CDH12: variants seen among roughly 807,000 people sequenced by gnomAD.
The protein encoded by CDH12 is cadherin-12.
A neutral mutation model predicts 74.1 loss-of-function variants in CDH12; 41 were observed. That is an observed-to-expected ratio of 0.55 (90% CI 0.43 to 0.72). CDH12 has a LOEUF of 0.72. CDH12 is among the 30% of genes least tolerant of loss of function. The probability of loss-of-function intolerance (pLI) is 0.00; values close to 1 mark genes in which losing one functional copy is unlikely to be tolerated. For synonymous variants in CDH12, 399 were observed against 355.0 expected, an observed-to-expected ratio of 1.12 and a Z score of -1.39; for missense variants, 945 against 977.2, an observed-to-expected ratio of 0.97 and a Z score of 0.44.
At chr5:22,617,573 G>A (rs1737754528) in intron 1 of CDH12, among the ~76,000 whole-genome samples, 1 of 152,034 alleles carries the variant, frequency 6.6e-6, no homozygotes, top group African/African-American at 2.4e-5. Context: ...TCAAATTTGT[G>A]CCTATGTTTT....
chr5:22,283,681 C>G (rs1011474741), intron 3 of CDH12, among the ~76,000 whole-genome samples: 3 of 151,822 alleles, frequency 2.0e-5, no homozygotes, highest in African/African-American at 7.3e-5. Context: ...ATAATAGATC[C>G]AGAGATCTAT....
chr5:22,147,911 T>G (rs1020138375), intron 4 of CDH12, among the ~76,000 whole-genome samples: 1 of 152,138 alleles, frequency 6.6e-6, no homozygotes, highest in Non-Finnish European at 1.5e-5. Context: ...TTATCAGATA[T>G]CATATTCATC....
intron 10 of CDH12, among the ~76,000 whole-genome samples, chr5:21,786,618 A>C (rs1183184390): frequency 3.9e-5 from 6 of 152,240 alleles, no homozygotes; most frequent in African/African-American, 1.4e-4. Flanking sequence ...CAGAACATCC[A>C]TTCTAAAGTC....
At chr5:22,560,376 C>T (rs73060192) in intron 1 of CDH12, among the ~76,000 whole-genome samples, 102 of 152,194 alleles carry the variant, frequency 6.7e-4, no homozygotes, top group African/African-American at 2.4e-3. Flanking sequence ...TTTGGTAGCT[C>T]TCTCAAGTAT....
At chr5:22,776,122 A>G (rs1360230976) in intron 1 of CDH12, among the ~76,000 whole-genome samples, 2 of 152,144 alleles carry the variant, frequency 1.3e-5, no homozygotes, top group Non-Finnish European at 2.9e-5. Flanking sequence ...AATGCGGACT[A>G]ATACACTTAC....
chr5:21,863,073 G>T (rs1415144072), intron 6 of CDH12, among the ~76,000 whole-genome samples: 1 of 152,084 alleles, frequency 6.6e-6, no homozygotes, highest in East Asian at 1.9e-4. Flanking sequence ...GCTCTAAGGG[G>T]TTTCTATCCC....
chr5:21,927,393 G>A (rs1754633603), intron 6 of CDH12, among the ~76,000 whole-genome samples: 1 of 150,556 alleles, frequency 6.6e-6, no homozygotes, highest in African/African-American at 2.4e-5. Context: ...AGAACAGCCT[G>A]GGCAACATGG....
chr5:22,013,972 G>C (rs1432358312), intron 5 of CDH12, among the ~76,000 whole-genome samples: 2 of 152,086 alleles, frequency 1.3e-5, no homozygotes, highest in African/African-American at 2.4e-5. Flanking sequence ...CACACCTGTA[G>C]TCCCAGCACT....
intron 8 of CDH12, among the ~76,000 whole-genome samples, chr5:21,822,353 T>G (rs1748420684): frequency 6.6e-6 from 1 of 151,994 alleles, no homozygotes; most frequent in Admixed American, 6.6e-5. Context: ...AAGACAGATC[T>G]TAAAAGAGTT....
intron 1 of CDH12, among the ~76,000 whole-genome samples, chr5:22,678,584 T>C (rs886396820): frequency 5.9e-5 from 9 of 151,986 alleles, no homozygotes; most frequent in African/African-American, 1.9e-4. Flanking sequence ...AACCAGAAAA[T>C]GTACTTTGCG....
At chr5:22,396,400 GAGAAA>G (rs1185029696) in intron 3 of CDH12, among the ~76,000 whole-genome samples, 1 of 152,062 alleles carries the variant, frequency 6.6e-6, no homozygotes, top group South Asian at 2.1e-4. Context: ...CTGGGTTTTT[GAGAAA>G]AGAAAAGTGT....
At chr5:22,404,571 A>C (rs756497354) in intron 3 of CDH12, among the ~76,000 whole-genome samples, 1 of 152,182 alleles carries the variant, frequency 6.6e-6, no homozygotes, top group African/African-American at 2.4e-5. Flanking sequence ...TTTGATTAAA[A>C]CTGCTATAAC....
At chr5:22,364,063 G>C (rs1740932296) in intron 3 of CDH12, among the ~76,000 whole-genome samples, 1 of 152,190 alleles carries the variant, frequency 6.6e-6, no homozygotes, top group South Asian at 2.1e-4. Context: ...CGCAGGTGTT[G>C]AAAGTGGCAC....
chr5:22,765,162 T>C (rs926994933), intron 1 of CDH12, among the ~76,000 whole-genome samples: 1 of 151,972 alleles, frequency 6.6e-6, no homozygotes, highest in African/African-American at 2.4e-5. Flanking sequence ...AACATGTCTC[T>C]ACTTACCTCA....
intron 1 of CDH12, among the ~76,000 whole-genome samples, chr5:22,673,881 A>G (rs1741028513): frequency 6.6e-6 from 1 of 152,236 alleles, no homozygotes; most frequent in Non-Finnish European, 1.5e-5. Flanking sequence ...TAGTACACTT[A>G]ATTGAGCAAG....
chr5:22,358,332 C>CG (rs1329230244), intron 3 of CDH12, among the ~76,000 whole-genome samples: 1 of 43,990 alleles, frequency 2.3e-5, no homozygotes, highest in African/African-American at 9.1e-5. Flanking sequence ...TAACTTGAAC[C>CG]CGGAGGCGGA....
chr5:22,122,608 T>C (rs1213750275), intron 4 of CDH12, among the ~76,000 whole-genome samples: 3 of 152,202 alleles, frequency 2.0e-5, no homozygotes, highest in Non-Finnish European at 4.4e-5. Flanking sequence ...TTATAAGCCA[T>C]CTATTTCAGT....
intron 6 of CDH12, among the ~76,000 whole-genome samples, chr5:21,958,522 T>C (rs1756202362): frequency 2.0e-5 from 3 of 152,200 alleles, no homozygotes; most frequent in Non-Finnish European, 4.4e-5. Flanking sequence ...GGCTAGTTAG[T>C]TATCCCAGTA....
intron 3 of CDH12, among the ~76,000 whole-genome samples, chr5:22,268,268 T>G (rs1019130332): frequency 6.6e-6 from 1 of 152,272 alleles, no homozygotes; most frequent in African/African-American, 2.4e-5. Context: ...TGAATATATA[T>G]GTGTGTATAT....
Sources: gnomAD v4.1 joint callset for allele counts (sites outside exome capture counted in the v4.1 genomes callset) on GRCh38, gnomAD v4.1.1 for gene constraint, MANE v1.5 for transcripts, NCBI Gene and HGNC (gene_info 2026-07-23, HGNC 2026-07-21) for gene names.